Variants in HPSE2 observed in about 807,000 individuals in gnomAD.
The protein encoded by HPSE2 is heparanase 2 (inactive).
In HPSE2, 38 loss-of-function variants were observed where a neutral mutation model predicts 60.5. The observed-to-expected ratio is 0.63, with a 90% CI of 0.48 to 0.82. The LOEUF (loss-of-function observed/expected upper bound fraction) is 0.82, where lower values mean the gene tolerates loss of function less well. Among genes scored for constraint, HPSE2 ranks in the 40% least tolerant of loss-of-function variants. The pLI is 0.00. For missense variants in HPSE2, 713 were observed against 740.4 expected, an observed-to-expected ratio of 0.96 and a Z score of 0.43; for synonymous variants, 295 against 293.2, an observed-to-expected ratio of 1.01 and a Z score of -0.06.
chr10:98,666,195 A>G lies in HPSE2; in HGVS notation c.1005-24255T>C, dbSNP rs529710168. ...CAGAAAGGACAAAAAGGAGTATTGCATAATGATAAAGGATTCAATTCAACA... is the reference window on the plus strand; with the variant it reads ...CAGAAAGGACAAAAAGGAGTATTGCGTAATGATAAAGGATTCAATTCAACA... On this transcript the variant is annotated intron_variant, in intron 6 of 11. Transcript: ENST00000370552. Among the ~76,000 whole-genome samples, 18 of 152,360 alleles carry G rather than the reference A, an allele frequency of 1.2e-4. No individual in the cohort carries two copies. In the East Asian group the frequency reaches 2.5e-3, roughly 21 times the overall value.
chr10:98,916,042 A>G lies in HPSE2; in HGVS notation c.611-171986T>C, dbSNP rs138852570. Among the ~76,000 whole-genome samples, 775 of 152,056 alleles carry G rather than the reference A, an allele frequency of 5.1e-3. 8 individuals carry two copies. Among genetic ancestry groups the G allele is most frequent in the African/African-American group, 0.018 (745 of 41,456 alleles). ...TAGCTTGCTAACCAGAACCAATTTA[A>G]TTTTAAATCTACACTCAGAGCCAAC... On this transcript the variant is annotated intron_variant, in intron 3 of 11. Transcript: ENST00000370552.
intron 3 of HPSE2, among the ~76,000 whole-genome samples, chr10:99,040,537 T>C (rs1203111945): frequency 6.6e-6 from 1 of 152,206 alleles, no homozygotes; most frequent in African/African-American, 2.4e-5. Flanking sequence ...TAACTTTACA[T>C]ATCATTTTAA....
At chr10:98,747,771 T>C (rs1222127744) in intron 3 of HPSE2, among the ~76,000 whole-genome samples, 1 of 152,232 alleles carries the variant, frequency 6.6e-6, no homozygotes, top group Non-Finnish European at 1.5e-5. Flanking sequence ...TAATATTATC[T>C]TGGGATTTAC....
At chr10:98,982,663 A>G (rs574095120) in intron 3 of HPSE2, among the ~76,000 whole-genome samples, 1 of 152,272 alleles carries the variant, frequency 6.6e-6, no homozygotes, top group Admixed American at 6.5e-5. Context: ...TTCACTATGC[A>G]TTCTAGATAA....
intron 11 of HPSE2, among the ~76,000 whole-genome samples, chr10:98,474,116 G>A (rs976513533): frequency 6.6e-6 from 1 of 152,206 alleles, no homozygotes; most frequent in Non-Finnish European, 1.5e-5. Flanking sequence ...TATCAGCAGT[G>A]TAGAACTAAA....
intron 3 of HPSE2, among the ~76,000 whole-genome samples, chr10:99,105,773 T>C (rs577121313): frequency 6.6e-5 from 10 of 152,116 alleles, no homozygotes; most frequent in Admixed American, 5.9e-4. Context: ...ATTATGTCTA[T>C]GGTCCATTTT....
rs1425908141 is a variant in HPSE2, at chr10:99,149,512, TA to T, written c.449-5114del. 3.9e-5 allele frequency among the ~76,000 whole-genome samples: 6 copies of T among 152,286 alleles called. No individual in the cohort carries two copies. In the East Asian group the frequency reaches 1.2e-3, roughly 29 times the overall value. ...CTAAATCTCTCAATGCATTTCCTAA[TA>T]AAGAAGGGAATTTCCTTTTTTAGAA... On this transcript the variant is annotated intron_variant, in intron 2 of 11. Coordinates refer to ENST00000370552, the MANE Select transcript of HPSE2 (RefSeq NM_021828.5).
chr10:98,599,458 G>C (rs1404029860), intron 9 of HPSE2, among the ~76,000 whole-genome samples: 2 of 152,174 alleles, frequency 1.3e-5, no homozygotes, highest in African/African-American at 4.8e-5. Context: ...AGTGGGACAG[G>C]CCTGGAGCCT....
chr10:98,522,652 T>C lies in HPSE2; in HGVS notation c.1321-32456A>G, dbSNP rs117634738. 6.9e-4 allele frequency among the ~76,000 whole-genome samples: 105 copies of C among 152,228 alleles called. 1 individual carries two copies. The East Asian group carries it at 0.018, about 26-fold the overall frequency. On this transcript the variant is annotated intron_variant, in intron 9 of 11. Transcript: ENST00000370552. Reference sequence around the variant, plus strand: ...ACAATGCCCGGCTAATTTTTTTGGATTTTTTAGTAGAGATGGGCTTTTACC... The same window carrying C: ...ACAATGCCCGGCTAATTTTTTTGGACTTTTTAGTAGAGATGGGCTTTTACC...
intron 3 of HPSE2, among the ~76,000 whole-genome samples, chr10:98,996,006 A>G (rs10883244): frequency 0.49 from 73,996 of 151,932 alleles, 20,230 homozygotes; most frequent in East Asian, 0.62. Flanking sequence ...TCTACAGATT[A>G]GTTAACGATA....
intron 2 of HPSE2, among the ~76,000 whole-genome samples, chr10:99,228,333 T>C (rs571163681): frequency 2.0e-5 from 3 of 152,240 alleles, no homozygotes; most frequent in Non-Finnish European, 2.9e-5. Flanking sequence ...AAAATAACCA[T>C]AGTTTTTTAG....
intron 3 of HPSE2, among the ~76,000 whole-genome samples, chr10:98,943,258 A>T (rs914959449): frequency 5.9e-5 from 9 of 151,626 alleles, no homozygotes; most frequent in African/African-American, 1.9e-4. Context: ...ATTATAATAA[A>T]AAAATAAATA....
At chr10:98,872,801 G>C (rs1013095871) in intron 3 of HPSE2, among the ~76,000 whole-genome samples, 8 of 152,224 alleles carry the variant, frequency 5.3e-5, no homozygotes, top group African/African-American at 7.2e-5. Context: ...GGAGTACGAA[G>C]CTGTCATGTT....
intron 3 of HPSE2, among the ~76,000 whole-genome samples, chr10:99,039,777 C>A (rs1002546946): frequency 6.6e-6 from 1 of 151,974 alleles, no homozygotes; most frequent in Non-Finnish European, 1.5e-5. Context: ...TGGAAATAGT[C>A]TCTGGGAGGC....
intron 6 of HPSE2, among the ~76,000 whole-genome samples, chr10:98,647,275 T>G (rs564979810): frequency 3.9e-5 from 6 of 152,328 alleles, no homozygotes; most frequent in African/African-American, 1.2e-4. Context: ...CTTATGCCCA[T>G]TAGGCTTTTA....
chr10:98,813,729 G>A (rs1349309248), intron 3 of HPSE2, among the ~76,000 whole-genome samples: 1 of 152,100 alleles, frequency 6.6e-6, no homozygotes, highest in Non-Finnish European at 1.5e-5. Flanking sequence ...ACAGTTCCCT[G>A]AACTTTTTAT....
At chr10:98,920,592 G>T (rs1954254800) in intron 3 of HPSE2, among the ~76,000 whole-genome samples, 1 of 152,002 alleles carries the variant, frequency 6.6e-6, no homozygotes, top group African/African-American at 2.4e-5. Flanking sequence ...GTGTTTAACA[G>T]CCCTCACTGT....
chr10:98,773,397 T>A (rs1950279899), intron 3 of HPSE2, among the ~76,000 whole-genome samples: 2 of 152,160 alleles, frequency 1.3e-5, no homozygotes, highest in Non-Finnish European at 2.9e-5. Flanking sequence ...CAAATATAAC[T>A]ACCCAATTAA....
intron 3 of HPSE2, among the ~76,000 whole-genome samples, chr10:98,963,185 T>C (rs1238429128): frequency 1.3e-5 from 2 of 152,212 alleles, no homozygotes; most frequent in Admixed American, 1.3e-4. Context: ...TTCTATCATG[T>C]TCAAGTCCTT....
Sources: allele counts gnomAD v4.1 joint callset (sites outside exome capture counted in the v4.1 genomes callset), GRCh38; gene constraint gnomAD v4.1.1; transcripts MANE v1.5; gene names NCBI Gene and HGNC (gene_info 2026-07-23, HGNC 2026-07-21).